The following SLFN12L variants were observed in gnomAD, a reference collection of about 807,000 sequenced individuals.
SLFN12L encodes schlafen family member 12 like.
SLFN12L carries 34 observed loss-of-function variants against 34.8 expected under a neutral mutation model. The observed-to-expected ratio is 0.98, with a 90% CI of 0.74 to 1.30. The LOEUF is 1.30. Ranked by LOEUF, SLFN12L falls within the 50% of genes most tolerant of loss-of-function variation. The probability of loss-of-function intolerance (pLI) is 0.00; values close to 1 mark genes in which losing one functional copy is unlikely to be tolerated. For synonymous variants in SLFN12L, 259 were observed against 247.5 expected, an observed-to-expected ratio of 1.05 and a Z score of -0.44; for missense variants, 703 against 696.2, an observed-to-expected ratio of 1.01 and a Z score of -0.11.
At chr17:35,489,688 A>G (rs1914753715) in intron 2 of SLFN12L, among the ~76,000 whole-genome samples, 1 of 152,238 alleles carries the variant, frequency 6.6e-6, no homozygotes, top group South Asian at 2.1e-4. Flanking sequence ...TATTCACTGC[A>G]TTAATGAAAA....
At chr17:35,510,673 T>C (rs1322276862) in intron 2 of SLFN12L, among the ~76,000 whole-genome samples, 2 of 152,168 alleles carry the variant, frequency 1.3e-5, no homozygotes, top group Non-Finnish European at 2.9e-5. Flanking sequence ...CACAACTCTG[T>C]GAATGTACTA....
intron 2 of SLFN12L, among the ~76,000 whole-genome samples, chr17:35,519,641 G>A (rs1163175905): frequency 2.0e-5 from 3 of 152,160 alleles, no homozygotes; most frequent in Admixed American, 2.0e-4. Context: ...TGACACCTGA[G>A]GGAGGAAAAG....
At chr17:35,487,590 C>T (rs900641986) in intron 2 of SLFN12L, 3 of 845,268 alleles carry the variant, frequency 3.5e-6, no homozygotes, top group Admixed American at 5.1e-5. Flanking sequence ...TGTGCCAGCG[C>T]GGGCCCTTAA....
chr17:35,535,357 ATTT>A (rs759936884), intron 1 of SLFN12L, among the ~76,000 whole-genome samples: 39 of 141,822 alleles, frequency 2.7e-4, no homozygotes, highest in East Asian at 8.3e-4. Flanking sequence ...TGCCTAGCTA[ATTT>A]TTTTTTTTTT....
At chr17:35,535,580 G>A (rs1042207513) in intron 1 of SLFN12L, among the ~76,000 whole-genome samples, 6 of 150,502 alleles carry the variant, frequency 4.0e-5, no homozygotes, top group Non-Finnish European at 7.4e-5. Context: ...TTCACCACCC[G>A]AACTCAAGCA....
At chr17:35,523,443 A>G (rs1916057246) in intron 1 of SLFN12L, among the ~76,000 whole-genome samples, 1 of 152,166 alleles carries the variant, frequency 6.6e-6, no homozygotes, top group South Asian at 2.1e-4. Flanking sequence ...AGAGGAAGTT[A>G]CGTAAAAGCT....
intron 2 of SLFN12L, among the ~76,000 whole-genome samples, chr17:35,495,974 T>C (rs1915054354): frequency 6.6e-6 from 1 of 151,296 alleles, no homozygotes. Context: ...TGCCAGTGTC[T>C]ACAGCGCCTT....
chr17:35,529,615 G>C (rs2072370980), intron 1 of SLFN12L, among the ~76,000 whole-genome samples: 1 of 149,538 alleles, frequency 6.7e-6, no homozygotes, highest in Non-Finnish European at 1.5e-5. Context: ...AATACCACAT[G>C]TTCTCTCTCA....
In SLFN12L at chr17:35,467,202, C is replaced by T. The variant is rs567108198; in HGVS notation, c.*7721G>A. ...CTGAGTGAACAGCAATAGAAGTTCACGGACTATATGAATGGCACTGCCAAC... is the reference window on the plus strand; with the variant it reads ...CTGAGTGAACAGCAATAGAAGTTCATGGACTATATGAATGGCACTGCCAAC... On this transcript the variant is annotated 3_prime_UTR_variant, in exon 5 of 5. Transcript: ENST00000628453. 6.6e-6 allele frequency among the ~76,000 whole-genome samples: 1 copy of T among 152,176 alleles called. No individual in the cohort carries two copies. Among genetic ancestry groups the T allele is most frequent in the Admixed American group, 6.5e-5 (1 of 15,290 alleles).
Position 35,476,522 on chromosome 17 carries a change from G to T in SLFN12L, c.1277-1037C>A, listed in dbSNP as rs540309790. ...GGAAGGAAGGAAGGAAGGAAGGAAA[G>T]AAGGAAGGAAGGAGAAAATATCAAC... On this transcript the variant is annotated intron_variant, in intron 4 of 4. Transcript: ENST00000628453. Among the ~76,000 whole-genome samples, 57 of 140,276 alleles carry T rather than the reference G, an allele frequency of 4.1e-4. No individual in the cohort carries two copies. The South Asian group carries it at 0.013, about 32-fold the overall frequency. The allele number at this position is 140,276 out of a possible 152,430, so 92.0% of individuals were successfully genotyped here. A position where few individuals can be genotyped will look rare whatever the true frequency, so the allele number is the denominator to read the frequency against.
Position 35,466,736 on chromosome 17 carries a change from G to C in SLFN12L, c.*8187C>G, listed in dbSNP as rs549684879. 6.6e-6 allele frequency among the ~76,000 whole-genome samples: 1 copy of C among 152,290 alleles called. No individual in the cohort carries two copies. The highest frequency in any genetic ancestry group is 2.1e-4 in the South Asian group (1 of 4,826). ...CCAACAGACAGACCCATTGGTGCCT[G>C]CATTGATTCCTTTACTGAAGAGACT... On this transcript the variant is annotated 3_prime_UTR_variant, in exon 5 of 5. Coordinates refer to ENST00000628453, the MANE Select transcript of SLFN12L (RefSeq NM_001363830.2).
intron 2 of SLFN12L, among the ~76,000 whole-genome samples, chr17:35,515,922 G>A (rs541311682): frequency 1.9e-4 from 29 of 152,078 alleles, no homozygotes; most frequent in South Asian, 1.7e-3. Context: ...GATTACAGGC[G>A]TGAGCCACCG....
intron 2 of SLFN12L, among the ~76,000 whole-genome samples, chr17:35,481,714 G>A (rs910826551): frequency 6.6e-5 from 10 of 152,198 alleles, no homozygotes; most frequent in Admixed American, 6.5e-4. Flanking sequence ...CAGCCCAGCT[G>A]TTTTTCTTAT....
In SLFN12L at chr17:35,479,481, A is replaced by T; in HGVS notation, c.801T>A (p.Tyr267Ter). ...CATCAGTATTTGCAAATGCAGAAAC[A>T]TATTGAGGGAGAATCTCTGTAATTC... ...LQRITEILPQYVSAFANTDGG... is the reference protein window; with the variant it reads ...LQRITEILPQ The change falls in exon 3 of 5, where the codon TAT becomes TAA. Residue 267 changes from tyrosine to a stop codon, truncating the protein, a stop_gained. Transcript: ENST00000628453. LOFTEE classifies it high-confidence loss of function. 6.2e-7 allele frequency: 1 copy of T among 1,614,208 alleles called. No individual in the cohort carries two copies. Among genetic ancestry groups the T allele is most frequent in the Non-Finnish European group, 8.5e-7 (1 of 1,180,026 alleles).
chr17:35,498,785 G>A (rs1010076969), intron 2 of SLFN12L: 3 of 985,508 alleles, frequency 3.0e-6, no homozygotes, highest in African/African-American at 3.2e-5. Flanking sequence ...TGTGCAAAAT[G>A]TTTATCTTAC....
chr17:35,511,788 A>G (rs1915654872), intron 2 of SLFN12L, among the ~76,000 whole-genome samples: 1 of 152,142 alleles, frequency 6.6e-6, no homozygotes, highest in Non-Finnish European at 1.5e-5. Context: ...AAAAAACATA[A>G]CAGCAATTCC....
rs116169419 is a variant in SLFN12L at position 35,481,153 on chromosome 17, G to A, written c.87-958C>T. On this transcript the variant is annotated intron_variant, in intron 2 of 4. Transcript: ENST00000628453. ...TGCCTGGCCTAGCGGTAACACCAGC[G>A]CCAGGGAAGGCACCCGTCACCTAGC... is the stretch of plus-strand genomic sequence containing the variant. Among the ~76,000 whole-genome samples, 423 of 152,322 alleles carry A rather than the reference G, an allele frequency of 2.8e-3. 5 individuals are homozygous for A. The highest frequency in any genetic ancestry group is 9.7e-3 in the African/African-American group (405 of 41,562).
intron 2 of SLFN12L, among the ~76,000 whole-genome samples, chr17:35,509,864 A>G (rs1440328592): frequency 6.6e-6 from 1 of 151,814 alleles, no homozygotes; most frequent in African/African-American, 2.4e-5. Flanking sequence ...CGCCTGGCTA[A>G]TTTTTTGTAT....
rs780387489 is a variant in SLFN12L at position 35,474,995 on chromosome 17, T to C, written c.1767A>G (p.Gln589=). ...GAAACAAACAAACAAACAAAAAGAT[T>C]TGATTCTCCTTAGGTAAGATATTTG... ...ALSNILPKEN[Q]IFLFVCLFRF... Residue 589 remains glutamine, a synonymous_variant, in exon 5 of 5, where the codon CAA becomes CAG. Transcript: ENST00000628453. 4 of 1,568,774 alleles carry C rather than the reference T, an allele frequency of 2.5e-6. No individual in the cohort carries two copies. The Admixed American group carries it at 5.7e-5, about 22-fold the overall frequency.
Sources: allele counts gnomAD v4.1 joint callset (sites outside exome capture counted in the v4.1 genomes callset), GRCh38; gene constraint gnomAD v4.1.1; transcripts MANE v1.5; gene names NCBI Gene and HGNC (gene_info 2026-07-23, HGNC 2026-07-21).